NEK11: variants seen among roughly 807,000 people sequenced by gnomAD.
NEK11 encodes NIMA related kinase 11.
In NEK11, 72 loss-of-function variants were observed where a neutral mutation model predicts 80.7. The observed-to-expected ratio is 0.89, with a 90% confidence interval of 0.74 to 1.08. The LOEUF is 1.08. NEK11 is among the 50% of genes least tolerant of loss of function. The probability of loss-of-function intolerance (pLI) is 0.00; values close to 1 mark genes in which losing one functional copy is unlikely to be tolerated. For missense variants in NEK11, 764 were observed against 763.6 expected, an observed-to-expected ratio of 1.00 and a Z score of -0.01; for synonymous variants, 251 against 260.7, an observed-to-expected ratio of 0.96 and a Z score of 0.36.
chr3:131,156,011 G>A (rs2090591904), intron 10 of NEK11, among the ~76,000 whole-genome samples: 1 of 152,102 alleles, frequency 6.6e-6, no homozygotes, highest in African/African-American at 2.4e-5. Context: ...ATTTCCAATT[G>A]TATTTTATTA....
chr3:131,100,777 C>A (rs1263154922), intron 4 of NEK11, among the ~76,000 whole-genome samples: 2 of 152,084 alleles, frequency 1.3e-5, no homozygotes, highest in Non-Finnish European at 2.9e-5. Context: ...GGGAGGAGCC[C>A]CTCCTCCTTG....
intron 14 of NEK11, chr3:131,175,162 A>G: frequency 2.1e-6 from 2 of 954,300 alleles, no homozygotes; most frequent in Non-Finnish European, 2.5e-6. Context: ...TATTGTTTTA[A>G]TTTTAAAAAG....
chr3:131,035,581 A>G (rs1274972344), intron 3 of NEK11, among the ~76,000 whole-genome samples: 1 of 152,186 alleles, frequency 6.6e-6, no homozygotes, highest in African/African-American at 2.4e-5. Context: ...ATACACCCAG[A>G]GATGGTCAGT....
intron 4 of NEK11, among the ~76,000 whole-genome samples, chr3:131,104,810 G>A (rs1020055158): frequency 1.3e-5 from 2 of 152,148 alleles, no homozygotes; most frequent in East Asian, 1.9e-4. Context: ...TCTCTGTGTC[G>A]ATCTGGAAGC....
chr3:131,038,116 AT>A (rs1232781128), intron 3 of NEK11, among the ~76,000 whole-genome samples: 2 of 152,152 alleles, frequency 1.3e-5, no homozygotes, highest in Non-Finnish European at 2.9e-5. Flanking sequence ...AAAGTATAAC[AT>A]GAAAGCATAT....
At chr3:131,313,812 A>G (rs2096805607) in intron 17 of NEK11, among the ~76,000 whole-genome samples, 1 of 152,224 alleles carries the variant, frequency 6.6e-6, no homozygotes, top group Non-Finnish European at 1.5e-5. Flanking sequence ...TTTAGCGCAA[A>G]GTTGGAATAA....
At chr3:131,322,887 A>C (rs930664275) in intron 17 of NEK11, among the ~76,000 whole-genome samples, 2 of 152,194 alleles carry the variant, frequency 1.3e-5, no homozygotes, top group Admixed American at 1.3e-4. Context: ...AATGGGATTA[A>C]CAAACCCATG....
chr3:131,338,129 G>A (rs2097219215), intron 17 of NEK11, among the ~76,000 whole-genome samples: 1 of 151,902 alleles, frequency 6.6e-6, no homozygotes, highest in Non-Finnish European at 1.5e-5. Context: ...GCCATGCCCG[G>A]CTTATTTTTG....
intron 3 of NEK11, among the ~76,000 whole-genome samples, chr3:131,041,564 G>T (rs1029003596): frequency 1.3e-5 from 2 of 152,070 alleles, no homozygotes; most frequent in African/African-American, 2.4e-5. Context: ...ATATATATGT[G>T]TGTGTGTATG....
intron 4 of NEK11, among the ~76,000 whole-genome samples, chr3:131,096,441 A>C (rs546890926): frequency 1.1e-3 from 160 of 152,182 alleles, no homozygotes; most frequent in Non-Finnish European, 2.2e-3. Flanking sequence ...TGGGCACCTA[A>C]GCTGATTCCA....
chr3:131,115,966 C>CTTTCTTTCTT (rs768695068), intron 5 of NEK11, among the ~76,000 whole-genome samples: 47 of 141,054 alleles, frequency 3.3e-4, no homozygotes, highest in Middle Eastern at 3.5e-3. Flanking sequence ...TTCTTTCTTT[C>CTTTCTTTCTT]TTTCTTTCTT....
At chr3:131,046,433 T>G (rs2067402033) in intron 3 of NEK11, among the ~76,000 whole-genome samples, 1 of 152,164 alleles carries the variant, frequency 6.6e-6, no homozygotes, top group South Asian at 2.1e-4. Flanking sequence ...AAAGATAGGG[T>G]CCCAGTCCCT....
intron 14 of NEK11, among the ~76,000 whole-genome samples, chr3:131,206,505 C>T (rs927879932): frequency 4.6e-5 from 7 of 152,062 alleles, no homozygotes; most frequent in African/African-American, 7.2e-5. Context: ...ATATTAGAAT[C>T]GTTAGGGTTC....
intron 7 of NEK11, among the ~76,000 whole-genome samples, chr3:131,147,395 T>G (rs2088602059): frequency 1.3e-5 from 2 of 152,100 alleles, no homozygotes; most frequent in African/African-American, 4.8e-5. Context: ...AATCTGTTTT[T>G]GAGCCCTCTA....
intron 17 of NEK11, among the ~76,000 whole-genome samples, chr3:131,276,426 C>T (rs2096292398): frequency 6.6e-6 from 1 of 152,242 alleles, no homozygotes; most frequent in African/African-American, 2.4e-5. Flanking sequence ...CAGAACTGTG[C>T]TGAGTTGGGA....
intron 3 of NEK11, among the ~76,000 whole-genome samples, chr3:131,053,116 A>G (rs1452590303): frequency 2.0e-5 from 3 of 152,220 alleles, no homozygotes; most frequent in Admixed American, 1.3e-4. Flanking sequence ...ATTAGTGGTC[A>G]CAAGCATATG....
At chr3:131,230,381 A>G (rs1297908158) in intron 15 of NEK11, among the ~76,000 whole-genome samples, 1 of 152,172 alleles carries the variant, frequency 6.6e-6, no homozygotes, top group Non-Finnish European at 1.5e-5. Flanking sequence ...ACTGTGCCTC[A>G]GTTTTCTAAT....
At chr3:131,333,464 G>A (rs1421574123) in intron 17 of NEK11, among the ~76,000 whole-genome samples, 2 of 152,092 alleles carry the variant, frequency 1.3e-5, no homozygotes, top group African/African-American at 2.4e-5. Flanking sequence ...GCTCCTGAAG[G>A]AAGCACTAAA....
chr3:131,306,648 C>CT (rs2096726495), intron 17 of NEK11, among the ~76,000 whole-genome samples: 2 of 152,200 alleles, frequency 1.3e-5, no homozygotes, highest in African/African-American at 4.8e-5. Flanking sequence ...CTAACTTCTC[C>CT]TAAGAGCAAG....
Sources: gnomAD v4.1 joint callset for allele counts (sites outside exome capture counted in the v4.1 genomes callset) on GRCh38, gnomAD v4.1.1 for gene constraint, MANE v1.5 for transcripts, NCBI Gene and HGNC (gene_info 2026-07-23, HGNC 2026-07-21) for gene names.